Variants in PLCL1 observed in about 807,000 individuals in gnomAD.
The protein encoded by PLCL1 is inactive phospholipase C-like protein 1.
PLCL1 carries 41 observed loss-of-function variants against 84.4 expected under a neutral mutation model. That is an observed-to-expected ratio of 0.49 (90% CI 0.38 to 0.63). The LOEUF is 0.63. PLCL1 is among the 30% of genes least tolerant of loss of function. PLCL1 has a pLI of 0.00. For missense variants in PLCL1, 1,206 were observed against 1,367.8 expected, an observed-to-expected ratio of 0.88 and a Z score of 1.87; for synonymous variants, 490 against 488.3, an observed-to-expected ratio of 1.00 and a Z score of -0.05.
rs190542453 is a variant in PLCL1, at chr2:198,029,606, T to C, written c.241-54152T>C. 1.2e-4 allele frequency among the ~76,000 whole-genome samples: 18 copies of C among 152,282 alleles called. No homozygotes were observed. The East Asian group carries it at 3.1e-3, about 26-fold the overall frequency. ...CGCTTGGCATCACCAAATGGGAGAC[T>C]TAAGAGCCTTCTGCAGTCACGGCTG... On this transcript the variant is annotated intron_variant, in intron 1 of 5. Coordinates refer to ENST00000428675, the MANE Select transcript of PLCL1 (RefSeq NM_006226.4).
chr2:197,818,069 T>C (rs1200947168), intron 1 of PLCL1, among the ~76,000 whole-genome samples: 2 of 152,030 alleles, frequency 1.3e-5, no homozygotes, highest in African/African-American at 4.8e-5. Context: ...AAAAGTAAGC[T>C]TTGTCTACTT....
intron 1 of PLCL1, among the ~76,000 whole-genome samples, chr2:197,871,594 T>G (rs191435509): frequency 6.6e-6 from 1 of 152,218 alleles, no homozygotes; most frequent in Admixed American, 6.5e-5. Flanking sequence ...CAAGGGGTGG[T>G]TCCTTCTGGA....
intron 1 of PLCL1, among the ~76,000 whole-genome samples, chr2:197,905,341 G>T (rs142841080): frequency 1.3e-5 from 2 of 152,208 alleles, no homozygotes; most frequent in African/African-American, 4.8e-5. Flanking sequence ...GTGAGAACAC[G>T]CAGTGTTCAG....
At chr2:197,919,509 AC>A (rs1015559424) in intron 1 of PLCL1, among the ~76,000 whole-genome samples, 3 of 152,000 alleles carry the variant, frequency 2.0e-5, no homozygotes, top group African/African-American at 7.3e-5. Flanking sequence ...TGTCTTCAAA[AC>A]CCCCACTCAT....
chr2:197,866,729 C>G (rs1169565887), intron 1 of PLCL1, among the ~76,000 whole-genome samples: 1 of 152,130 alleles, frequency 6.6e-6, no homozygotes, highest in African/African-American at 2.4e-5. Context: ...GAATTCAGCT[C>G]CAAGCACCCA....
chr2:197,819,794 T>C (rs1271438518), intron 1 of PLCL1, among the ~76,000 whole-genome samples: 1 of 152,046 alleles, frequency 6.6e-6, no homozygotes, highest in Non-Finnish European at 1.5e-5. Context: ...TCTTACAATA[T>C]CTTCAATTCT....
rs114105172 is a variant in PLCL1, at chr2:198,072,301, C to A, written c.241-11457C>A. Among the ~76,000 whole-genome samples, 460 of 151,808 alleles carry A rather than the reference C, an allele frequency of 3.0e-3. 2 individuals are homozygous for A. The highest frequency in any genetic ancestry group is 0.01 in the African/African-American group (430 of 41,504). ...TTTAGAAACAGGTTGGCATATAAGG[C>A]AGCTATTAATTTTTCTATATTTATA... is the stretch of plus-strand genomic sequence containing the variant. On this transcript the variant is annotated intron_variant, in intron 1 of 5. Coordinates refer to ENST00000428675, the MANE Select transcript of PLCL1 (RefSeq NM_006226.4).
At chr2:197,819,432 G>A (rs1690762530) in intron 1 of PLCL1, among the ~76,000 whole-genome samples, 1 of 152,132 alleles carries the variant, frequency 6.6e-6, no homozygotes, top group Admixed American at 6.6e-5. Context: ...ATCTGAGTAA[G>A]CTATCAGTAA....
At chr2:198,093,064 T>C (rs1693088235) in intron 3 of PLCL1, among the ~76,000 whole-genome samples, 1 of 152,162 alleles carries the variant, frequency 6.6e-6, no homozygotes, top group Non-Finnish European at 1.5e-5. Context: ...TATATTTGGC[T>C]AAAAAACTTA....
intron 1 of PLCL1, among the ~76,000 whole-genome samples, chr2:198,017,546 A>C (rs372124300): frequency 1.8e-4 from 28 of 152,226 alleles, no homozygotes; most frequent in Non-Finnish European, 7.3e-5. Context: ...GTCTTAATGT[A>C]ACCCTAAGAG....
At chr2:198,024,195 A>G (rs1255842203) in intron 1 of PLCL1, among the ~76,000 whole-genome samples, 2 of 152,198 alleles carry the variant, frequency 1.3e-5, no homozygotes, top group Admixed American at 6.5e-5. Flanking sequence ...GGAGTTGAAC[A>G]ATGAGAACAT....
At chr2:197,986,502 C>T (rs1690221014) in intron 1 of PLCL1, among the ~76,000 whole-genome samples, 1 of 152,050 alleles carries the variant, frequency 6.6e-6, no homozygotes, top group African/African-American at 2.4e-5. Context: ...AGTCATGCAC[C>T]ACAATGCCTG....
At chr2:197,828,198 A>G (rs1690974381) in intron 1 of PLCL1, among the ~76,000 whole-genome samples, 1 of 152,088 alleles carries the variant, frequency 6.6e-6, no homozygotes, top group Admixed American at 6.6e-5. Flanking sequence ...TGGTGTTTAT[A>G]TTAATTATGT....
intron 1 of PLCL1, among the ~76,000 whole-genome samples, chr2:197,944,843 T>C (rs1026299757): frequency 6.6e-6 from 1 of 152,206 alleles, no homozygotes; most frequent in African/African-American, 2.4e-5. Context: ...CTCTGCTGTT[T>C]CCTCCAACTA....
At chr2:197,960,462 C>T (rs1424599052) in intron 1 of PLCL1, among the ~76,000 whole-genome samples, 1 of 152,088 alleles carries the variant, frequency 6.6e-6, no homozygotes, top group Non-Finnish European at 1.5e-5. Context: ...TCAACCAGGA[C>T]AAATAGCAGT....
chr2:197,940,720 T>G (rs1416831099), intron 1 of PLCL1, among the ~76,000 whole-genome samples: 3 of 152,226 alleles, frequency 2.0e-5, no homozygotes, highest in African/African-American at 7.2e-5. Context: ...ATTATTTCAA[T>G]GACAAAAGAC....
intron 1 of PLCL1, among the ~76,000 whole-genome samples, chr2:197,901,988 C>T (rs904420933): frequency 6.6e-6 from 1 of 152,140 alleles, no homozygotes; most frequent in Admixed American, 6.5e-5. Flanking sequence ...TTGATCTATG[C>T]ACATGAAATG....
At chr2:197,857,339 C>G (rs1687349236) in intron 1 of PLCL1, among the ~76,000 whole-genome samples, 3 of 152,136 alleles carry the variant, frequency 2.0e-5, no homozygotes, top group African/African-American at 7.2e-5. Flanking sequence ...AGTACAACCT[C>G]TGCAGAGATC....
In PLCL1 at chr2:198,084,414, C is replaced by A. The variant is rs757754761; in HGVS notation, c.897C>A (p.Thr299=). Reference sequence around the variant, plus strand: ...AGGAAAAACTAACCACCCGCGTGACCGAAGAGGAATTTTGTGAAGCTTTTT... The same window carrying A: ...AGGAAAAACTAACCACCCGCGTGACAGAAGAGGAATTTTGTGAAGCTTTTT... ...KSKEKLTTRV[T]EEEFCEAFCE... is the part of the protein sequence containing the mutation. The change falls in exon 2 of 6, where the codon ACC becomes ACA. Residue 299 remains threonine (T), a synonymous_variant. Coordinates refer to ENST00000428675, the MANE Select transcript of PLCL1 (RefSeq NM_006226.4). 1 of 1,614,056 alleles carries A rather than the reference C, an allele frequency of 6.2e-7. No homozygotes were observed. The highest frequency in any genetic ancestry group is 8.5e-7 in the Non-Finnish European group (1 of 1,179,970).
Sources: allele counts gnomAD v4.1 joint callset (sites outside exome capture counted in the v4.1 genomes callset), GRCh38; gene constraint gnomAD v4.1.1; transcripts MANE v1.5; gene names NCBI Gene and HGNC (gene_info 2026-07-23, HGNC 2026-07-21).